PCGF5: variants seen among roughly 807,000 people sequenced by gnomAD.
PCGF5 encodes polycomb group RING finger protein 5.
PCGF5 carries 9 observed loss-of-function variants against 44.3 expected under a neutral mutation model. The ratio of observed to expected loss-of-function variants is 0.20; its 90% CI spans 0.12 to 0.35. The LOEUF is 0.35. Ranked by LOEUF, PCGF5 falls within the 10% of genes least tolerant of loss-of-function variation. The pLI, the probability that PCGF5 is intolerant of heterozygous loss-of-function variation, is 1.00. For missense variants in PCGF5, 146 were observed against 305.3 expected (o/e 0.48, Z 3.89); for synonymous variants, 95 against 102.5 (o/e 0.93, Z 0.44).
At chr10:91,273,310 G>A (rs1846227743) in intron 9 of PCGF5, among the ~76,000 whole-genome samples, 2 of 152,126 alleles carry the variant, frequency 1.3e-5, no homozygotes, top group African/African-American at 4.8e-5. Context: ...GAATTGTAAC[G>A]ATAACACTGC....
At chr10:91,169,847 A>G (rs1453363449) in intron 1 of PCGF5, among the ~76,000 whole-genome samples, 2 of 152,246 alleles carry the variant, frequency 1.3e-5, no homozygotes, top group African/African-American at 2.4e-5. Flanking sequence ...AAGTTGGAGG[A>G]CTGACACTAC....
intron 2 of PCGF5, among the ~76,000 whole-genome samples, chr10:91,223,228 A>G (rs1844728437): frequency 6.6e-6 from 1 of 152,204 alleles, no homozygotes; most frequent in Non-Finnish European, 1.5e-5. Context: ...AATCATAAGC[A>G]TATTATCAGT....
chr10:91,238,456 C>G (rs1477077962), intron 2 of PCGF5, among the ~76,000 whole-genome samples: 1 of 152,110 alleles, frequency 6.6e-6, no homozygotes, highest in East Asian at 1.9e-4. Context: ...TGTCACATAC[C>G]TCTCTATTTG....
intron 1 of PCGF5, among the ~76,000 whole-genome samples, chr10:91,207,807 C>G (rs562436602): frequency 1.7e-4 from 26 of 152,214 alleles, no homozygotes; most frequent in African/African-American, 5.3e-4. Context: ...TGATTATAGT[C>G]AGGATAGACA....
intron 1 of PCGF5, 30 bp from the exon 2 acceptor site, chr10:91,222,659 C>T (rs1224102946): frequency 5.8e-6 from 3 of 514,566 alleles, no homozygotes; most frequent in Non-Finnish European, 1.0e-5. Context: ...GCTTTTTTCT[C>T]TCATCTTTTT....
chr10:91,170,398 T>A (rs975704557), intron 1 of PCGF5, among the ~76,000 whole-genome samples: 1 of 152,210 alleles, frequency 6.6e-6, no homozygotes, highest in Admixed American at 6.5e-5. Context: ...ATCTAAAATA[T>A]ACAAGGAACT....
At chr10:91,226,467 G>C (rs1202299756) in intron 2 of PCGF5, among the ~76,000 whole-genome samples, 1 of 152,158 alleles carries the variant, frequency 6.6e-6, no homozygotes, top group African/African-American at 2.4e-5. Flanking sequence ...AGTAGCCCTT[G>C]AGTAGTGGTG....
At chr10:91,213,369 C>G (rs991705372) in intron 1 of PCGF5, among the ~76,000 whole-genome samples, 23 of 152,098 alleles carry the variant, frequency 1.5e-4, no homozygotes, top group African/African-American at 5.6e-4. Flanking sequence ...CATAAGTAAC[C>G]TCTATTTGGC....
chr10:91,175,700 G>T (rs1843693648), intron 1 of PCGF5, among the ~76,000 whole-genome samples: 1 of 152,166 alleles, frequency 6.6e-6, no homozygotes, highest in African/African-American at 2.4e-5. Context: ...GCAAGGAAAA[G>T]AAAATAAAAA....
chr10:91,250,326 A>C (rs1845593201), intron 5 of PCGF5, among the ~76,000 whole-genome samples: 1 of 151,910 alleles, frequency 6.6e-6, no homozygotes, highest in Non-Finnish European at 1.5e-5. Flanking sequence ...TTTGCAGGGA[A>C]GCTTTTCTAC....
At chr10:91,157,783 A>G in the PCGF5 span, among the ~76,000 whole-genome samples, 19 of 152,212 alleles carry the variant, frequency 1.2e-4, no homozygotes, top group Admixed American at 6.5e-5. Context: ...GGAGCATGGG[A>G]TGAGTGCTGT....
chr10:91,179,605 T>A (rs1843781875), intron 1 of PCGF5, among the ~76,000 whole-genome samples: 1 of 152,198 alleles, frequency 6.6e-6, no homozygotes, highest in Non-Finnish European at 1.5e-5. Flanking sequence ...TGGCGTTTGG[T>A]ATTCTGTTCC....
At chr10:91,192,715 A>T (rs906461278) in intron 1 of PCGF5, among the ~76,000 whole-genome samples, 1 of 152,198 alleles carries the variant, frequency 6.6e-6, no homozygotes, top group Non-Finnish European at 1.5e-5. Context: ...ATGGTTTGTT[A>T]TAAGGTGGTA....
intron 1 of PCGF5, among the ~76,000 whole-genome samples, chr10:91,171,280 G>A (rs1843599957): frequency 6.6e-6 from 1 of 152,232 alleles, no homozygotes; most frequent in Non-Finnish European, 1.5e-5. Flanking sequence ...GAAGAGGAAA[G>A]TTGATGGCTG....
chr10:91,274,452 G>T (rs987332394), intron 9 of PCGF5, among the ~76,000 whole-genome samples: 2 of 152,138 alleles, frequency 1.3e-5, no homozygotes, highest in East Asian at 1.9e-4. Context: ...TGTAAAGAGG[G>T]TATTTCAAAT....
At chr10:91,183,491 C>T (rs1246385931) in intron 1 of PCGF5, among the ~76,000 whole-genome samples, 1 of 151,826 alleles carries the variant, frequency 6.6e-6, no homozygotes, top group African/African-American at 2.4e-5. Flanking sequence ...TTGAATATAG[C>T]ACATCGATGA....
At chr10:91,162,306 GGGGGTGGGGT>G (rs1464628775), upstream of PCGF5, among the ~76,000 whole-genome samples, 1 of 150,286 alleles carries the variant, frequency 6.7e-6, no homozygotes, top group African/African-American at 2.5e-5. Flanking sequence ...GTGGGGTGGC[GGGGGTGGGGT>G]GGGGTGGGGG....
chr10:91,252,757 G>A (rs1845651158), intron 6 of PCGF5, among the ~76,000 whole-genome samples: 1 of 152,018 alleles, frequency 6.6e-6, no homozygotes, highest in Non-Finnish European at 1.5e-5. Flanking sequence ...CATACTGAAA[G>A]TTAAATCAAT....
intron 1 of PCGF5, among the ~76,000 whole-genome samples, chr10:91,214,462 G>T (rs895936933): frequency 1.3e-5 from 2 of 152,194 alleles, no homozygotes; most frequent in African/African-American, 4.8e-5. Flanking sequence ...GCTACCAGAA[G>T]AAGGGACTAT....
Sources: allele counts gnomAD v4.1 joint callset (sites outside exome capture counted in the v4.1 genomes callset), GRCh38; gene constraint gnomAD v4.1.1; transcripts MANE v1.5; gene names NCBI Gene and HGNC (gene_info 2026-07-23, HGNC 2026-07-21).